Variants in TRMT11 observed in about 807,000 individuals in gnomAD.
TRMT11 encodes the protein tRNA (guanine(10)-N(2))-methyltransferase TRMT11.
A neutral mutation model predicts 62.8 loss-of-function variants in TRMT11; 53 were observed. That is an observed-to-expected ratio of 0.84 (90% CI 0.68 to 1.06). The LOEUF is 1.06. TRMT11 is among the 50% of genes least tolerant of loss of function. TRMT11 has a pLI of 0.00. For synonymous variants in TRMT11, 188 were observed against 190.3 expected (o/e 0.99, Z 0.10); for missense variants, 556 against 553.4 (o/e 1.00, Z -0.05).
upstream of TRMT11, among the ~76,000 whole-genome samples, chr6:126,174,855 T>C (rs970790878): frequency 6.6e-6 from 1 of 152,132 alleles, no homozygotes; most frequent in African/African-American, 2.4e-5. Context: ...CAAGAGCAGA[T>C]TGAGAAGCAG....
intron 21 of TRMT11, among the ~76,000 whole-genome samples, chr6:126,140,047 T>A (rs1205502535): frequency 2.6e-5 from 4 of 152,118 alleles, no homozygotes; most frequent in African/African-American, 9.7e-5. Context: ...TATTACATAT[T>A]TCCACTAGTG....
At chr6:126,064,031 G>A (rs773555535) in intron 17 of TRMT11, among the ~76,000 whole-genome samples, 2 of 152,170 alleles carry the variant, frequency 1.3e-5, no homozygotes, top group Non-Finnish European at 2.9e-5. Context: ...CATTTCTGAA[G>A]CTGCCATTGC....
Position 126,129,726 on chromosome 6 carries a change from A to C in TRMT11, c.*1823+13871A>C, listed in dbSNP as rs113250242. On this transcript the variant is annotated intron_variant and NMD_transcript_variant, in intron 21 of 22. Transcript: ENST00000648977. The stretch of plus-strand genomic sequence containing the variant: ...TTTTTATGTAGAACGAGGTATTACT[A>C]TGTTGCCCAGGCTACATTCCTCTTT... Among the ~76,000 whole-genome samples, 1,092 of 152,080 alleles carry C rather than the reference A, an allele frequency of 7.2e-3. 11 individuals carry two copies. Among genetic ancestry groups the C allele is most frequent in the African/African-American group, 0.025 (1,042 of 41,494 alleles).
At chr6:125,997,349 T>C (rs1289219946) in intron 3 of TRMT11, among the ~76,000 whole-genome samples, 3 of 152,218 alleles carry the variant, frequency 2.0e-5, no homozygotes, top group Admixed American at 6.5e-5. Context: ...TTCAAATTTT[T>C]CTGTGTTAGA....
chr6:125,994,454 C>T (rs1214869672), intron 2 of TRMT11, among the ~76,000 whole-genome samples: 7 of 151,952 alleles, frequency 4.6e-5, no homozygotes, highest in Non-Finnish European at 8.8e-5. Context: ...TTTTCATTGA[C>T]TAGCTCTACC....
At chr6:126,238,369 C>T in the TRMT11 span, among the ~76,000 whole-genome samples, 3 of 152,166 alleles carry the variant, frequency 2.0e-5, no homozygotes, top group African/African-American at 7.2e-5. Context: ...TTTCCCTCTA[C>T]ACACTGCTTT....
intron 12 of TRMT11, among the ~76,000 whole-genome samples, chr6:126,028,060 C>T (rs950918643): frequency 2.0e-5 from 3 of 152,118 alleles, no homozygotes; most frequent in Non-Finnish European, 2.9e-5. Flanking sequence ...TTCCATTAGA[C>T]ATTATCCTTT....
chr6:125,998,719 T>A, intron 6 of TRMT11, 35 bp downstream of exon 6: 1 of 1,599,072 alleles, frequency 6.3e-7, no homozygotes, highest in Non-Finnish European at 8.5e-7. Context: ...TGTCAGTTTG[T>A]TTTTTTGAAA....
chr6:126,021,099 C>T (rs1795742291), intron 11 of TRMT11, 61 bp from the exon 12 acceptor site: 1 of 1,601,706 alleles, frequency 6.2e-7, no homozygotes, highest in African/African-American at 1.3e-5. Flanking sequence ...TGGACGATCC[C>T]CATGATTCTT....
chr6:126,104,496 T>C (rs1050085955), intron 17 of TRMT11, among the ~76,000 whole-genome samples: 3 of 152,148 alleles, frequency 2.0e-5, no homozygotes, highest in African/African-American at 7.2e-5. Context: ...AACATACAGG[T>C]GGGCCCAGTT....
intron 1 of TRMT11, among the ~76,000 whole-genome samples, chr6:126,188,728 G>A (rs2128245237): frequency 6.6e-6 from 1 of 152,258 alleles, no homozygotes; most frequent in African/African-American, 2.4e-5. Flanking sequence ...GCCTTGTTAA[G>A]TCAGCCACTA....
intron 17 of TRMT11, among the ~76,000 whole-genome samples, chr6:126,070,985 G>A (rs1220965836): frequency 2.0e-5 from 3 of 152,184 alleles, no homozygotes; most frequent in Non-Finnish European, 4.4e-5. Flanking sequence ...GAAAGAAAAG[G>A]TCAGTGAGGA....
chr6:126,173,705 A>G (rs1325153116), upstream of TRMT11, among the ~76,000 whole-genome samples: 1 of 152,184 alleles, frequency 6.6e-6, no homozygotes, highest in Non-Finnish European at 1.5e-5. Flanking sequence ...AACCAAAGGA[A>G]CTTAGCATCC....
At chr6:126,027,041 C>T (rs975780021) in intron 12 of TRMT11, among the ~76,000 whole-genome samples, 1 of 151,906 alleles carries the variant, frequency 6.6e-6, no homozygotes, top group Non-Finnish European at 1.5e-5. Context: ...TTCCTGACCT[C>T]GTGATCCGCC....
At chr6:126,246,051 C>T in the TRMT11 span, among the ~76,000 whole-genome samples, 445 of 152,200 alleles carry the variant, frequency 2.9e-3, 3 homozygotes, top group African/African-American at 0.01. Flanking sequence ...AGCCCAGATT[C>T]GTGCAAATTG....
intron 17 of TRMT11, among the ~76,000 whole-genome samples, chr6:126,067,841 C>G (rs34541252): frequency 2.6e-3 from 401 of 152,302 alleles, no homozygotes; most frequent in African/African-American, 9.0e-3. Flanking sequence ...CACATTCTAA[C>G]TGACGCAATC....
chr6:126,151,737 ATCCTTCCTTCCCTT>A (rs1277436878), intron 21 of TRMT11, among the ~76,000 whole-genome samples: 5 of 83,058 alleles, frequency 6.0e-5, no homozygotes, highest in African/African-American at 2.0e-4. Context: ...CCTCCCTTCC[ATCCTTCCTTCCCTT>A]TCCTTCCTTC....
chr6:125,997,111 A>G (rs962027854), intron 3 of TRMT11, among the ~76,000 whole-genome samples: 2 of 152,222 alleles, frequency 1.3e-5, no homozygotes, highest in African/African-American at 4.8e-5. Flanking sequence ...GGCACAATTA[A>G]CAGTTGTATA....
intron 16 of TRMT11, among the ~76,000 whole-genome samples, chr6:126,051,748 T>C (rs1002323491): frequency 6.6e-6 from 1 of 151,954 alleles, no homozygotes; most frequent in Non-Finnish European, 1.5e-5. Flanking sequence ...CTGGAATAGA[T>C]GATAATGGGA....
Sources: gnomAD v4.1 joint callset for allele counts (sites outside exome capture counted in the v4.1 genomes callset) on GRCh38, gnomAD v4.1.1 for gene constraint, MANE v1.5 for transcripts, NCBI Gene and HGNC (gene_info 2026-07-23, HGNC 2026-07-21) for gene names.